Variants in CARD14 observed in about 807,000 individuals in gnomAD.
CARD14 encodes the protein caspase recruitment domain family member 14.
CARD14 carries 107 observed loss-of-function variants against 111.5 expected under a neutral mutation model. The observed-to-expected ratio is 0.96, with a 90% CI of 0.82 to 1.13. The LOEUF is 1.13. CARD14 is among the 50% of genes most tolerant of loss of function. The pLI, the probability that CARD14 is intolerant of heterozygous loss-of-function variation, is 0.00. For missense variants in CARD14, 1,322 were observed against 1,362.3 expected, an observed-to-expected ratio of 0.97 and a Z score of 0.47; for synonymous variants, 617 against 579.6, an observed-to-expected ratio of 1.06 and a Z score of -0.93.
intron 1 of CARD14, among the ~76,000 whole-genome samples, chr17:80,172,531 C>T (rs2039924422): frequency 1.3e-5 from 2 of 152,226 alleles, no homozygotes; most frequent in Admixed American, 1.3e-4. Flanking sequence ...CCATGTGCCG[C>T]TTTCATCGGG....
At chr17:80,185,547 C>T (rs1254295455) in intron 7 of CARD14, among the ~76,000 whole-genome samples, 4 of 152,130 alleles carry the variant, frequency 2.6e-5, no homozygotes, top group Non-Finnish European at 5.9e-5. Context: ...CAGCACCTGC[C>T]CCTATATAGC....
intron 2 of CARD14, among the ~76,000 whole-genome samples, chr17:80,178,216 C>T (rs528754920): frequency 2.0e-4 from 30 of 152,140 alleles, no homozygotes; most frequent in Non-Finnish European, 3.7e-4. Flanking sequence ...TGTGGGGAGC[C>T]GCAGACAGGC....
rs2040945885 is a variant in CARD14, at chr17:80,201,022, C to A, written c.1852-722C>A. 1 of 152,458 alleles carries A rather than the reference C, an allele frequency of 6.6e-6. No individual in the cohort carries two copies. The highest frequency in any genetic ancestry group is 1.5e-5 in the Non-Finnish European group (1 of 68,316). 9.4% of individuals were successfully genotyped at this position (152,458 alleles called of 1,614,324 possible). On this transcript the variant is annotated intron_variant, in intron 16 of 23. Transcript: ENST00000648509. This position sits in a 1 kb window ranked among gnomAD's most constrained non-coding sequence, Gnocchi z 5.0. ...GGTCCTGATGGACCATGGACCAGTA[C>A]CAGTATGTGGCCCAGGGGTTGGGGA...
In CARD14 at chr17:80,208,497, AC is replaced by A; in HGVS notation, c.*154del. On this transcript the variant is annotated 3_prime_UTR_variant, in exon 24 of 24. Coordinates refer to ENST00000648509, the MANE Select transcript of CARD14 (RefSeq NM_001366385.1). The stretch of plus-strand genomic sequence containing the variant: ...GGCTGGGGTCTAACCTTGAACCCTC[AC>A]CACGTGCAGGTCACACACAGTGAAG... The A allele has an allele frequency of 1.5e-6, 1 of 646,860 alleles. No individual in the cohort carries two copies. Among genetic ancestry groups the A allele is most frequent in the Non-Finnish European group, 2.6e-6 (1 of 390,498 alleles). The allele number at this position is 646,860 out of a possible 1,614,324, so 40.1% of individuals were successfully genotyped here. A position where few individuals can be genotyped will look rare whatever the true frequency, so the allele number is the denominator to read the frequency against.
intron 5 of CARD14, 96 bp downstream of exon 5, chr17:80,181,745 T>A: frequency 8.7e-7 from 1 of 1,149,814 alleles, no homozygotes; most frequent in Non-Finnish European, 1.2e-6. Flanking sequence ...CTTCTCGTCC[T>A]GTCTCTTATA....
rs538428947 is a variant in CARD14, at chr17:80,183,662, T to C, written c.350-251T>C. ...AAAGCTGGGGGCCTGCTGGGGAGTCTGGGCAAGGCTGTGGGGGCATGGGAG... is the reference window on the plus strand; with the variant it reads ...AAAGCTGGGGGCCTGCTGGGGAGTCCGGGCAAGGCTGTGGGGGCATGGGAG... On this transcript the variant is annotated intron_variant, in intron 6 of 23. Transcript: ENST00000648509. 2.4e-3 allele frequency among the ~76,000 whole-genome samples: 373 copies of C among 152,258 alleles called. 2 individuals carry two copies. Among genetic ancestry groups the C allele is most frequent in the African/African-American group, 8.6e-3 (359 of 41,540 alleles).
Position 80,184,216 on chromosome 17 carries a change from G to T in CARD14, c.653G>T (p.Arg218Leu). ...ALQEKELAASRCRSLQEELYL... is the reference protein window; with the variant it reads ...ALQEKELAASLCRSLQEELYL... ...CAGGAGAAGGAGCTGGCCGCCTCAC[G>T]CTGCCGCAGCCTGCAGGAGGAGGTA... Residue 218 changes from arginine (R) to leucine (L), a missense_variant, in exon 7 of 24, where the codon CGC becomes CTC. Coordinates refer to ENST00000648509, the MANE Select transcript of CARD14 (RefSeq NM_001366385.1). 1.3e-6 allele frequency: 2 copies of T among 1,539,032 alleles called. No individual in the cohort carries two copies. Among genetic ancestry groups the T allele is most frequent in the Non-Finnish European group, 1.8e-6 (2 of 1,139,754 alleles).
rs897851226 is a variant in CARD14, at chr17:80,189,391, T to C, written c.844-362T>C. On this transcript the variant is annotated intron_variant, in intron 8 of 23. Coordinates refer to ENST00000648509, the MANE Select transcript of CARD14 (RefSeq NM_001366385.1). This position sits in a 1 kb window ranked among gnomAD's most constrained non-coding sequence, Gnocchi z 4.7. Reference sequence around the variant, plus strand: ...TCTTGCAGCCCGGATTGTGTCTCTGTTTATAAGCTCCTTCCTGGGAAGTGA... The same window carrying C: ...TCTTGCAGCCCGGATTGTGTCTCTGCTTATAAGCTCCTTCCTGGGAAGTGA... 2.6e-4 allele frequency among the ~76,000 whole-genome samples: 39 copies of C among 152,146 alleles called. No individual in the cohort carries two copies. Among genetic ancestry groups the C allele is most frequent in the African/African-American group, 8.7e-4 (36 of 41,438 alleles).
At position 80,182,755 on chromosome 17, in the gene CARD14, G is replaced by A; in HGVS notation, c.314G>A (p.Gly105Glu). The A allele has an allele frequency of 1.2e-6, 2 of 1,614,154 alleles. No individual in the cohort carries two copies. The highest frequency in any genetic ancestry group is 1.7e-6 in the Non-Finnish European group (2 of 1,180,016). Residue 105 changes from glycine (G) to glutamate (E), a missense_variant, in exon 6 of 24, where the codon GGG (glycine) becomes GAG (glutamate). Transcript: ENST00000648509. The surrounding 1 kb of genome is among the most constrained non-coding windows in gnomAD (Gnocchi z 4.7). ...HNPDVYTLVT[G>E]LQPDVDFSNF... The stretch of plus-strand genomic sequence containing the variant: ...CCTGACGTCTACACCCTGGTCACCG[G>A]GCTGCAGCCTGATGTTGACTTCAGT...
chr17:80,207,356 G>C (rs1213798264), intron 23 of CARD14, among the ~76,000 whole-genome samples: 1 of 152,244 alleles, frequency 6.6e-6, no homozygotes, highest in Non-Finnish European at 1.5e-5. Flanking sequence ...TTCGAGACCA[G>C]CCTGGCCAAC....
In CARD14 at chr17:80,201,831, G is replaced by C. The variant is rs1225307467; in HGVS notation, c.1939G>C (p.Asp647His). ...GGCCGTGGGGCTTCTCAGGAGGGTG[G>C]ACGGCTTCTGCTGCCTGTCTGTGAA... ...EEAVGLLRRVDGFCCLSVKVN... is the reference protein window; with the variant it reads ...EEAVGLLRRVHGFCCLSVKVN... The change falls in exon 17 of 24, where the codon GAC becomes CAC. Residue 647 changes from aspartate to histidine, a missense_variant. Physicochemically the swap from Asp to His is moderately conservative, Grantham distance 81 (BLOSUM62 -1). Coordinates refer to ENST00000648509, the MANE Select transcript of CARD14 (RefSeq NM_001366385.1). The surrounding 1 kb of genome is among the most constrained non-coding windows in gnomAD (Gnocchi z 5.0). 6 of 1,614,036 alleles carry C rather than the reference G, an allele frequency of 3.7e-6. No individual in the cohort carries two copies. The highest frequency in any genetic ancestry group is 4.2e-6 in the Non-Finnish European group (5 of 1,179,970).
At chr17:80,177,133 A>C (rs544939027) in intron 2 of CARD14, among the ~76,000 whole-genome samples, 1 of 152,122 alleles carries the variant, frequency 6.6e-6, no homozygotes, top group Non-Finnish European at 1.5e-5. Context: ...TAGTGTTGCC[A>C]CCGACCCTTG....
rs368286986 is a variant in CARD14 at position 80,189,785 on chromosome 17, C to G, written c.876C>G (p.Asp292Glu). 1.3e-6 allele frequency: 2 copies of G among 1,586,302 alleles called. No homozygotes were observed. The highest frequency in any genetic ancestry group is 2.4e-5 in the East Asian group (1 of 42,370). Reference protein sequence around the residue: ...AEKDILEQSLDEARGSRQELV... With the variant: ...AEKDILEQSLEEARGSRQELV... The stretch of plus-strand genomic sequence containing the variant: ...AGGACATTCTGGAGCAGAGCCTGGA[C>G]GAGGCGCGGGGGAGCCGACAGGAGC... The change falls in exon 9 of 24, where the codon GAC (aspartate) becomes GAG (glutamate). Residue 292 changes from aspartate to glutamate, a missense_variant. Coordinates refer to ENST00000648509, the MANE Select transcript of CARD14 (RefSeq NM_001366385.1). The surrounding 1 kb of genome is among the most constrained non-coding windows in gnomAD (Gnocchi z 4.7).
chr17:80,205,236 C>T (rs1867038), intron 21 of CARD14, 31 bp downstream of exon 21: 1 of 1,570,002 alleles, frequency 6.4e-7, no homozygotes, highest in Non-Finnish European at 8.7e-7. Context: ...CCCTCTACCC[C>T]TTCCACCTTC....
intron 7 of CARD14, 134 bp downstream of exon 7, chr17:80,184,372 C>A: frequency 2.5e-6 from 2 of 801,176 alleles, no homozygotes; most frequent in Non-Finnish European, 3.6e-6. Flanking sequence ...AGAGCCTTGG[C>A]TGAGACCCCT....
chr17:80,208,152 G>A lies in CARD14; in HGVS notation c.2822G>A (p.Arg941Gln), dbSNP rs74000616. Residue 941 changes from arginine (R) to glutamine (Q), a missense_variant, in exon 24 of 24, where the codon CGG becomes CAG. Coordinates refer to ENST00000648509, the MANE Select transcript of CARD14 (RefSeq NM_001366385.1). ...MAKKLKKGLQRLGTSEEQLLE... is the reference protein window; with the variant it reads ...MAKKLKKGLQQLGTSEEQLLE... ...GGCCTGTGCAGGAAGGGCCTACAGCGGTTGGGCACCTCAGAGGAGCAGCTC... is the reference window on the plus strand; with the variant it reads ...GGCCTGTGCAGGAAGGGCCTACAGCAGTTGGGCACCTCAGAGGAGCAGCTC... The A allele has an allele frequency of 7.7e-4, 1,195 of 1,543,884 alleles. 9 individuals are homozygous for A. The African/African-American group carries it at 0.014, about 18-fold the overall frequency.
chr17:80,201,418 T>G lies in CARD14; in HGVS notation c.1852-326T>G. 3.2e-6 allele frequency: 1 copy of G among 314,650 alleles called. No individual in the cohort carries two copies. The highest frequency in any genetic ancestry group is 2.9e-5 in the South Asian group (1 of 34,590). 19.5% of individuals were successfully genotyped at this position (314,650 alleles called of 1,614,324 possible). A position where few individuals can be genotyped will look rare whatever the true frequency, so the allele number is the denominator to read the frequency against. The stretch of plus-strand genomic sequence containing the variant: ...AAGAAACCTCTATCTAGAATGCTCT[T>G]GAATGTTCTAGAACCGAGGTTCTTT... On this transcript the variant is annotated intron_variant, in intron 16 of 23. Transcript: ENST00000648509. The surrounding 1 kb of genome is among the most constrained non-coding windows in gnomAD (Gnocchi z 5.0).
rs987419327 is a variant in CARD14, at chr17:80,188,740, A to G, written c.843+196A>G. The G allele has an allele frequency of 4.3e-6, 2 of 463,550 alleles. No homozygotes were observed. Among genetic ancestry groups the G allele is most frequent in the Non-Finnish European group, 7.0e-6 (2 of 286,752 alleles). 28.7% of individuals were successfully genotyped at this position (463,550 alleles called of 1,614,324 possible). ...CCAGACCCCAAAATTGGCAGAATTA[A>G]AAGCTGCTGGAACAGAATTAAAAGC... On this transcript the variant is annotated intron_variant, in intron 8 of 23. Coordinates refer to ENST00000648509, the MANE Select transcript of CARD14 (RefSeq NM_001366385.1). The surrounding 1 kb of genome is among the most constrained non-coding windows in gnomAD (Gnocchi z 4.5).
In CARD14 at chr17:80,179,876, G is replaced by C. The variant is rs1357155202; in HGVS notation, c.-21+575G>C. On this transcript the variant is annotated intron_variant, in intron 4 of 23. Transcript: ENST00000648509. ...TGATTTTAGAATGTCTGGCCAGAGA[G>C]GGAGGGAAGAGGGACTGAAGAGAAC... Among the ~76,000 whole-genome samples, 3 of 152,134 alleles carry C rather than the reference G, an allele frequency of 2.0e-5. No individual in the cohort carries two copies. The South Asian group carries it at 6.2e-4, about 32-fold the overall frequency.
Sources: allele counts gnomAD v4.1 joint callset (sites outside exome capture counted in the v4.1 genomes callset), GRCh38; gene constraint gnomAD v4.1.1; non-coding constraint Gnocchi (gnomAD v3.1); transcripts MANE v1.5; gene names NCBI Gene and HGNC (gene_info 2026-07-23, HGNC 2026-07-21).